Variants in PSMD6 observed in about 807,000 individuals in gnomAD.
PSMD6 encodes 26S proteasome non-ATPase regulatory subunit 6.
Under a neutral mutation model 44.9 loss-of-function variants are expected in PSMD6, and 7 were observed. That is an observed-to-expected ratio of 0.16 (90% CI 0.09 to 0.29). The LOEUF is 0.29. Ranked by LOEUF, PSMD6 falls within the 10% of genes least tolerant of loss-of-function variation. The pLI is 1.00. For synonymous variants in PSMD6, 184 were observed against 172.7 expected (o/e 1.07, Z -0.51); for missense variants, 420 against 482.6 (o/e 0.87, Z 1.21).
Position 64,020,340 on chromosome 3 carries a change from T to A in PSMD6, c.352-899A>T, listed in dbSNP as rs2076110119. ...TAAAATAAAATATAAAAAACGAGAG[T>A]AAATAGGAGGGGAAAAGTTGTTCGT... is the stretch of plus-strand genomic sequence containing the variant. On this transcript the variant is annotated intron_variant, in intron 2 of 7. Coordinates refer to ENST00000295901, the MANE Select transcript of PSMD6 (RefSeq NM_014814.3). Among the ~76,000 whole-genome samples the A allele has an allele frequency of 4.0e-5, 6 of 151,886 alleles. No homozygotes were observed. In the South Asian group the frequency reaches 1.0e-3, roughly 26 times the overall value.
intron 5 of PSMD6, chr3:64,015,542 G>A (rs1217261180): frequency 1.3e-5 from 2 of 152,188 alleles, no homozygotes; most frequent in Non-Finnish European, 2.9e-5. Flanking sequence ...CTCAATGTTA[G>A]TACACGATAG....
At chr3:64,014,424 G>A (rs889969039) in intron 5 of PSMD6, 1 of 152,082 alleles carries the variant, frequency 6.6e-6, no homozygotes, top group South Asian at 2.1e-4. Context: ...ACATGATAGA[G>A]TGACTAGGAA....
chr3:64,022,546 T>C (rs748859075), intron 1 of PSMD6, 23 bp from the exon 2 acceptor site: 4 of 1,612,394 alleles, frequency 2.5e-6, no homozygotes, highest in Non-Finnish European at 3.4e-6. Flanking sequence ...AAGAGGGATG[T>C]GTGAGTGGGG....
At chr3:64,019,679 A>G (rs1337023591) in intron 2 of PSMD6, 1 of 421,970 alleles carries the variant, frequency 2.4e-6, no homozygotes, top group African/African-American at 2.1e-5. Context: ...GCATATACTT[A>G]GATTCAGGAA....
chr3:64,021,811 CA>C (rs200884987), intron 2 of PSMD6, among the ~76,000 whole-genome samples: 24,026 of 95,794 alleles, frequency 0.25, 1,920 homozygotes, highest in East Asian at 0.43. Flanking sequence ...AACTCCGTCT[CA>C]AAAAAAAAAA....
At chr3:64,011,598 G>A (rs373398928) in intron 6 of PSMD6, 2 of 151,708 alleles carry the variant, frequency 1.3e-5, no homozygotes, top group East Asian at 3.9e-4. Flanking sequence ...ACAACAACTA[G>A]AGCTCAGTGG....
rs982081736 is a variant in PSMD6 at position 64,017,751 on chromosome 3, A to G, written c.826+848T>C. On this transcript the variant is annotated intron_variant, in intron 5 of 7. Transcript: ENST00000295901. ...CTGGGCCAAAACCCACTGCAAAAAC[A>G]TTAACAATCGTCATTTGGAACCGTC... The G allele has an allele frequency of 2.6e-5, 4 of 152,358 alleles. No homozygotes were observed. The South Asian group carries it at 6.2e-4, about 24-fold the overall frequency. 9.4% of individuals were successfully genotyped at this position (152,358 alleles called of 1,614,324 possible). A position where few individuals can be genotyped will look rare whatever the true frequency, so the allele number is the denominator to read the frequency against.
At chr3:64,016,039 T>C (rs774574236) in intron 5 of PSMD6, 2 of 151,818 alleles carry the variant, frequency 1.3e-5, no homozygotes, top group Admixed American at 6.6e-5. Flanking sequence ...TACAAAAAAT[T>C]AGCCGGGCAT....
At chr3:64,022,778 C>G (rs1452766847) in intron 1 of PSMD6, 1 of 1,536,254 alleles carries the variant, frequency 6.5e-7, no homozygotes, top group East Asian at 2.4e-5. Context: ...TCGGTTTGCT[C>G]TTGCCGGATT....
intron 5 of PSMD6, among the ~76,000 whole-genome samples, chr3:64,017,927 T>C (rs2076072884): frequency 6.6e-6 from 1 of 152,194 alleles, no homozygotes; most frequent in Non-Finnish European, 1.5e-5. Flanking sequence ...TCTTAATAGT[T>C]TGTGGTCATT....
chr3:64,019,076 G>T, intron 3 of PSMD6, 39 bp from the exon 4 acceptor site: 1 of 1,532,154 alleles, frequency 6.5e-7, no homozygotes, highest in South Asian at 1.2e-5. Context: ...TCTGGAAACA[G>T]ACAAGGCCAC....
chr3:64,010,811 T>C, intron 7 of PSMD6, 47 bp from the exon 8 acceptor site: 1 of 1,578,244 alleles, frequency 6.3e-7, no homozygotes, highest in Non-Finnish European at 8.7e-7. Flanking sequence ...AGTCACATTA[T>C]TCCATGACAA....
chr3:64,012,423 C>T (rs1284986385), intron 6 of PSMD6: 1 of 152,312 alleles, frequency 6.6e-6, no homozygotes, highest in Non-Finnish European at 1.5e-5. Flanking sequence ...AACATCTCCT[C>T]TAAGAGCTAC....
chr3:64,013,812 A>G (rs2076000846), intron 5 of PSMD6: 1 of 406,254 alleles, frequency 2.5e-6, no homozygotes, highest in Non-Finnish European at 4.3e-6. Flanking sequence ...TCTTCAAGTA[A>G]CAGGTGGCTA....
At chr3:64,020,514 C>A (rs1266552462) in intron 2 of PSMD6, among the ~76,000 whole-genome samples, 4 of 152,100 alleles carry the variant, frequency 2.6e-5, no homozygotes, top group Admixed American at 6.6e-5. Context: ...ATATATTAGT[C>A]TTTAAAACCA....
upstream of PSMD6, chr3:64,023,815 C>T (rs1363147210): frequency 6.8e-7 from 1 of 1,479,050 alleles, no homozygotes; most frequent in African/African-American, 1.4e-5. Flanking sequence ...CATAGTTTGT[C>T]GAGTCGTTAC....
chr3:64,017,892 T>A (rs555233886), intron 5 of PSMD6, among the ~76,000 whole-genome samples: 1 of 152,218 alleles, frequency 6.6e-6, no homozygotes, highest in Non-Finnish European at 1.5e-5. Flanking sequence ...CTGGGTCAAC[T>A]TGATGCAAGC....
In PSMD6 at chr3:64,022,410, C is replaced by G; in HGVS notation, c.259G>C (p.Glu87Gln). The stretch of plus-strand genomic sequence containing the variant: ...AGATTCTTCTCTGCATCTTCCAGCT[C>G]CTCATCCAAACGCTTCAACTCATCT... ...NEDELKRLDE[E>Q]LEDAEKNLGE... is the part of the protein sequence containing the mutation. The change falls in exon 2 of 8, where the codon GAG becomes CAG. Residue 87 changes from glutamate (E) to glutamine (Q), a missense_variant. Transcript: ENST00000295901. 1.2e-6 allele frequency: 2 copies of G among 1,614,242 alleles called. No individual in the cohort carries two copies. The highest frequency in any genetic ancestry group is 1.1e-5 in the South Asian group (1 of 91,088).
chr3:64,017,663 T>C (rs953461109), intron 5 of PSMD6: 1 of 152,182 alleles, frequency 6.6e-6, no homozygotes, highest in African/African-American at 2.4e-5. Context: ...TTACCTGAGG[T>C]AAATACTATG....
Sources: gnomAD v4.1 joint callset for allele counts (sites outside exome capture counted in the v4.1 genomes callset) on GRCh38, gnomAD v4.1.1 for gene constraint, MANE v1.5 for transcripts, NCBI Gene and HGNC (gene_info 2026-07-23, HGNC 2026-07-21) for gene names.